Variants in ATP8A2 observed in about 807,000 individuals in gnomAD.
The protein encoded by ATP8A2 is ATPase phospholipid transporting 8A2.
In ATP8A2, 100 loss-of-function variants were observed where a neutral mutation model predicts 165.6. The ratio of observed to expected loss-of-function variants is 0.60; its 90% confidence interval spans 0.51 to 0.71. The LOEUF is 0.71. Among genes scored for constraint, ATP8A2 ranks in the 30% least tolerant of loss-of-function variants. The pLI is 0.00. For synonymous variants in ATP8A2, 543 were observed against 548.8 expected, an observed-to-expected ratio of 0.99 and a Z score of 0.15; for missense variants, 1,227 against 1,479.5, an observed-to-expected ratio of 0.83 and a Z score of 2.80.
chr13:25,427,858 C>T (rs1439605531), intron 1 of ATP8A2, among the ~76,000 whole-genome samples: 1 of 151,772 alleles, frequency 6.6e-6, no homozygotes. Context: ...CGAGCCACTG[C>T]ACTCCAGCCT....
At chr13:25,667,862 T>A (rs1413633420) in intron 24 of ATP8A2, among the ~76,000 whole-genome samples, 1 of 152,130 alleles carries the variant, frequency 6.6e-6, no homozygotes, top group Non-Finnish European at 1.5e-5. Context: ...TTACCATGAG[T>A]ATTACAATTA....
Position 25,828,105 on chromosome 13 carries a change from T to A in ATP8A2, c.2680-13T>A, listed in dbSNP as rs1189385367. The stretch of plus-strand genomic sequence containing the variant: ...TATTGATATAAAACTTCATGAGCTT[T>A]CTTCTCTTTCAGCTTTGGTTCGCCT... On this transcript the variant is annotated splice_polypyrimidine_tract_variant and intron_variant, in intron 27 of 36. Coordinates refer to ENST00000381655, the MANE Select transcript of ATP8A2 (RefSeq NM_016529.6). 1 of 1,610,724 alleles carries A rather than the reference T, an allele frequency of 6.2e-7. No individual in the cohort carries two copies. Among genetic ancestry groups the A allele is most frequent in the Admixed American group, 1.7e-5 (1 of 60,022 alleles).
At chr13:25,442,449 T>C (rs1270047448) in intron 1 of ATP8A2, among the ~76,000 whole-genome samples, 2 of 152,234 alleles carry the variant, frequency 1.3e-5, no homozygotes, top group Non-Finnish European at 2.9e-5. Context: ...AGTCTTGCTC[T>C]GTCACCCACG....
intron 24 of ATP8A2, among the ~76,000 whole-genome samples, chr13:25,656,805 C>T (rs1238468868): frequency 2.0e-5 from 3 of 150,408 alleles, no homozygotes; most frequent in Non-Finnish European, 4.4e-5. Flanking sequence ...GTAATTCCAG[C>T]ATTTTGGGAG....
chr13:25,792,610 G>A (rs902376658), intron 27 of ATP8A2, among the ~76,000 whole-genome samples: 16 of 152,200 alleles, frequency 1.1e-4, no homozygotes, highest in African/African-American at 3.6e-4. Context: ...CTAGTTAGAA[G>A]GGTTAGGAAA....
At chr13:25,555,303 A>C (rs1185537179) in intron 13 of ATP8A2, among the ~76,000 whole-genome samples, 1 of 152,202 alleles carries the variant, frequency 6.6e-6, no homozygotes, top group African/African-American at 2.4e-5. Context: ...CAGAAAAAAA[A>C]AAGAAGTAAT....
chr13:25,465,735 CTTTCCCTCCCTCCCTCTCTCT>C (rs2035640116), intron 1 of ATP8A2, among the ~76,000 whole-genome samples: 1 of 43,974 alleles, frequency 2.3e-5, no homozygotes, highest in African/African-American at 9.2e-5. Context: ...TTCTTTCTTT[CTTTCCCTCCCTCCCTCTCTCT>C]CTCTCTTTCT....
chr13:25,990,876 T>C (rs566175126), intron 35 of ATP8A2, among the ~76,000 whole-genome samples: 64 of 152,224 alleles, frequency 4.2e-4, no homozygotes, highest in African/African-American at 1.4e-3. Flanking sequence ...TTGCTTGGGG[T>C]CTCTCCAGGT....
chr13:25,843,874 C>T (rs1362226480), intron 30 of ATP8A2, among the ~76,000 whole-genome samples: 2 of 152,104 alleles, frequency 1.3e-5, no homozygotes, highest in African/African-American at 2.4e-5. Flanking sequence ...GGAACAAATA[C>T]TTGAGAGAGG....
intron 1 of ATP8A2, among the ~76,000 whole-genome samples, chr13:25,423,429 T>C (rs1028199754): frequency 6.6e-6 from 1 of 152,234 alleles, no homozygotes; most frequent in Non-Finnish European, 1.5e-5. Flanking sequence ...TGAGTGATCC[T>C]TGGTCATGTG....
chr13:25,892,814 T>C lies in ATP8A2; in HGVS notation c.3183+30406T>C, dbSNP rs182826017. Among the ~76,000 whole-genome samples the C allele has an allele frequency of 7.2e-5, 11 of 151,808 alleles. No individual in the cohort carries two copies. The East Asian group carries it at 2.1e-3, about 29-fold the overall frequency. Reference sequence around the variant, plus strand: ...AGACTTTTTTTTAGTCTGTTTTTTTTTTTTCGCATCAAAATGAGGACCAAA... The same window carrying C: ...AGACTTTTTTTTAGTCTGTTTTTTTCTTTTCGCATCAAAATGAGGACCAAA... On this transcript the variant is annotated intron_variant, in intron 33 of 36. Coordinates refer to ENST00000381655, the MANE Select transcript of ATP8A2 (RefSeq NM_016529.6).
At chr13:25,582,465 A>G (rs2039802545) in intron 23 of ATP8A2, among the ~76,000 whole-genome samples, 2 of 152,246 alleles carry the variant, frequency 1.3e-5, no homozygotes, top group Admixed American at 1.3e-4. Flanking sequence ...TGCCGTTGTT[A>G]AAGGAGCACG....
chr13:25,884,000 T>C (rs192359041), intron 33 of ATP8A2, among the ~76,000 whole-genome samples: 58 of 152,132 alleles, frequency 3.8e-4, no homozygotes, highest in Non-Finnish European at 6.8e-4. Flanking sequence ...TTTGTGCACA[T>C]GGCCTTTTCC....
intron 24 of ATP8A2, among the ~76,000 whole-genome samples, chr13:25,649,801 A>G (rs2041767525): frequency 6.6e-6 from 1 of 152,166 alleles, no homozygotes; most frequent in Admixed American, 6.5e-5. Flanking sequence ...AATTCAAGCC[A>G]GGTAGCACTT....
chr13:25,757,107 C>T (rs2044280063), intron 25 of ATP8A2, among the ~76,000 whole-genome samples: 1 of 152,198 alleles, frequency 6.6e-6, no homozygotes, highest in African/African-American at 2.4e-5. Flanking sequence ...TACACCTACT[C>T]TCCAGGAGAT....
chr13:25,771,372 A>G (rs889493335), intron 26 of ATP8A2, among the ~76,000 whole-genome samples: 1 of 152,240 alleles, frequency 6.6e-6, no homozygotes, highest in Admixed American at 6.5e-5. Flanking sequence ...TCTGTCAGCA[A>G]CTATAGATGT....
Position 25,438,517 on chromosome 13 carries a change from T to C in ATP8A2, c.77-30460T>C, listed in dbSNP as rs191956667. On this transcript the variant is annotated intron_variant, in intron 1 of 36. Coordinates refer to ENST00000381655, the MANE Select transcript of ATP8A2 (RefSeq NM_016529.6). ...TTAGCTTGGCATGGTGGTGTGCACCTGTAGTCCTAGCTACTCTGGAGGCTG... is the reference window on the plus strand; with the variant it reads ...TTAGCTTGGCATGGTGGTGTGCACCCGTAGTCCTAGCTACTCTGGAGGCTG... 1.1e-3 allele frequency among the ~76,000 whole-genome samples: 165 copies of C among 152,228 alleles called. 2 individuals carry two copies. The highest frequency in any genetic ancestry group is 4.4e-3 in the South Asian group (21 of 4,826).
intron 1 of ATP8A2, among the ~76,000 whole-genome samples, chr13:25,418,670 A>G (rs2034206315): frequency 6.6e-6 from 1 of 152,170 alleles, no homozygotes; most frequent in Admixed American, 6.5e-5. Context: ...CTGAGCTGCC[A>G]CCTGACAGCA....
intron 24 of ATP8A2, among the ~76,000 whole-genome samples, chr13:25,664,601 G>A (rs11843327): frequency 0.068 from 10,313 of 152,240 alleles, 953 homozygotes; most frequent in East Asian, 0.24. Context: ...TACTGGAGCT[G>A]GAATGCCAGA....
Sources: allele counts gnomAD v4.1 joint callset (sites outside exome capture counted in the v4.1 genomes callset), GRCh38; gene constraint gnomAD v4.1.1; transcripts MANE v1.5; gene names NCBI Gene and HGNC (gene_info 2026-07-23, HGNC 2026-07-21).